SCN2A: variants seen among roughly 807,000 people sequenced by gnomAD.
The protein encoded by SCN2A is sodium voltage-gated channel alpha subunit 2, also known as sodium channel protein type 2 subunit alpha.
A neutral mutation model predicts 188.7 loss-of-function variants in SCN2A; 20 were observed. The observed-to-expected ratio is 0.11, with a 90% CI of 0.07 to 0.15. The LOEUF (loss-of-function observed/expected upper bound fraction) is 0.15. SCN2A is among the 10% of genes least tolerant of loss of function. SCN2A has a pLI of 1.00. For synonymous variants in SCN2A, 804 were observed against 833.1 expected (o/e 0.97, Z 0.60); for missense variants, 1,278 against 2,445.0 (o/e 0.52, Z 10.07).
In SCN2A at chr2:165,335,974, G is replaced by A. The variant is rs558556727; in HGVS notation, c.2388+4406G>A. 7.9e-5 allele frequency among the ~76,000 whole-genome samples: 12 copies of A among 151,842 alleles called. No individual in the cohort carries two copies. The South Asian group carries it at 2.3e-3, about 29-fold the overall frequency. ...TATTGAAAAAGGAGTTAGACAAAAG[G>A]CCAATAAGCACATAAAAGATGGTCA... On this transcript the variant is annotated intron_variant, in intron 14 of 26. Transcript: ENST00000375437.
chr2:165,380,843 A>G, intron 24 of SCN2A, 114 bp downstream of exon 24: 1 of 884,928 alleles, frequency 1.1e-6, no homozygotes, highest in Non-Finnish European at 1.7e-6. Context: ...TTCAGAAATT[A>G]TTTTGAGACA....
chr2:165,321,414 T>G (rs1698069560), intron 11 of SCN2A, among the ~76,000 whole-genome samples: 1 of 152,190 alleles, frequency 6.6e-6, no homozygotes, highest in Non-Finnish European at 1.5e-5. Context: ...TGCTTCCACA[T>G]TTTTGGGTAT....
rs1177450924 is a variant in SCN2A at position 165,291,426 on chromosome 2, G to T, written c.-51-4347G>T. On this transcript the variant is annotated intron_variant, in intron 1 of 26. Coordinates refer to ENST00000375437, the MANE Select transcript of SCN2A (RefSeq NM_001040142.2). ...TTCCTTCCTTCCTTCCTCCCTGTCT[G>T]TCTTTCTTTCTCTTTCTTTCTTTCT... Among the ~76,000 whole-genome samples, 230 of 86,906 alleles carry T rather than the reference G, an allele frequency of 2.6e-3. 1 individual carries two copies. The highest frequency in any genetic ancestry group is 7.9e-3 in the Middle Eastern group (1 of 126). 57.0% of individuals were successfully genotyped at this position (86,906 alleles called of 152,430 possible). A position where few individuals can be genotyped will look rare whatever the true frequency, so the allele number is the denominator to read the frequency against.
At position 165,307,814 on chromosome 2, in the gene SCN2A, C is replaced by T. The variant is rs536903726; in HGVS notation, c.387-34C>T. ...GGTAGTGCATAAAAGTAAGATTTTT[C>T]CATTGAACTTTGTCTTCCTTGACGA... On this transcript the variant is annotated intron_variant, in intron 3 of 26. Transcript: ENST00000375437. The T allele has an allele frequency of 2.9e-4, 414 of 1,444,238 alleles. 5 individuals carry two copies. The South Asian group carries it at 4.5e-3, about 16-fold the overall frequency. 89.5% of individuals were successfully genotyped at this position (1,444,238 alleles called of 1,614,324 possible).
chr2:165,299,899 A>G (rs1274700667), intron 3 of SCN2A, among the ~76,000 whole-genome samples: 2 of 152,244 alleles, frequency 1.3e-5, no homozygotes, highest in East Asian at 1.9e-4. Context: ...ACTTGGACTA[A>G]TACCTCTATT....
intron 14 of SCN2A, among the ~76,000 whole-genome samples, chr2:165,336,594 G>A (rs1445554818): frequency 1.3e-5 from 2 of 151,932 alleles, no homozygotes; most frequent in Non-Finnish European, 2.9e-5. Flanking sequence ...GTAAATGGGA[G>A]CAACAACTAA....
At chr2:165,341,564 T>G (rs112392343) in intron 14 of SCN2A, among the ~76,000 whole-genome samples, 3 of 152,294 alleles carry the variant, frequency 2.0e-5, no homozygotes, top group African/African-American at 7.2e-5. Context: ...CAGGGGCACT[T>G]CTTTCATTTT....
intron 1 of SCN2A, among the ~76,000 whole-genome samples, chr2:165,252,282 A>T (rs1438552369): frequency 6.6e-6 from 1 of 152,082 alleles, no homozygotes; most frequent in Non-Finnish European, 1.5e-5. Flanking sequence ...TGGAAAAAGT[A>T]TAGAGGGGAC....
intron 18 of SCN2A, 127 bp from the exon 19 acceptor site, chr2:165,367,090 C>A: frequency 1.2e-6 from 1 of 858,814 alleles, no homozygotes; most frequent in Non-Finnish European, 1.8e-6. Flanking sequence ...TAAGCGGAAG[C>A]TATCTTAAAA....
intron 14 of SCN2A, among the ~76,000 whole-genome samples, chr2:165,339,110 A>G (rs1699169671): frequency 6.6e-6 from 1 of 152,112 alleles, no homozygotes; most frequent in Non-Finnish European, 1.5e-5. Flanking sequence ...AATACCAGCT[A>G]ACAGGGAGGC....
At chr2:165,342,577 C>T in intron 15 of SCN2A, 108 bp downstream of exon 15, 3 of 1,227,380 alleles carry the variant, frequency 2.4e-6, no homozygotes, top group Non-Finnish European at 3.6e-6. Flanking sequence ...TATTTGAATA[C>T]ACTTCTAAAA....
At chr2:165,329,062 G>A (rs1016992326) in intron 13 of SCN2A, among the ~76,000 whole-genome samples, 2 of 145,246 alleles carry the variant, frequency 1.4e-5, no homozygotes, top group Admixed American at 1.4e-4. Flanking sequence ...TCTTTTCTTG[G>A]GGATCCTTTC....
At chr2:165,379,827 C>T (rs1194643355) in intron 23 of SCN2A, among the ~76,000 whole-genome samples, 1 of 151,644 alleles carries the variant, frequency 6.6e-6, no homozygotes, top group Non-Finnish European at 1.5e-5. Flanking sequence ...GATTGGTTAA[C>T]TGAGTTGGTT....
At chr2:165,291,490 C>CTTTCTTTCTTTCTCTCTTTCT (rs1265345470) in intron 1 of SCN2A, among the ~76,000 whole-genome samples, 1 of 22,536 alleles carries the variant, frequency 4.4e-5, no homozygotes, top group Non-Finnish European at 8.8e-5. Flanking sequence ...TTCTTTCTTT[C>CTTTCTTTCTTTCTCTCTTTCT]TTTTCTTTCT....
At chr2:165,309,214 T>C in intron 5 of SCN2A, 138 bp from the exon 6 acceptor site, 1 of 1,613,658 alleles carries the variant, frequency 6.2e-7, no homozygotes, top group Non-Finnish European at 8.5e-7. Flanking sequence ...TCTTCGAACT[T>C]TCAGAGTCTT....
At chr2:165,380,813 A>T in intron 24 of SCN2A, 84 bp downstream of exon 24, 2 of 1,101,412 alleles carry the variant, frequency 1.8e-6, no homozygotes, top group Non-Finnish European at 2.7e-6. Flanking sequence ...AAATGCAATC[A>T]CCAAAAAAAG....
intron 1 of SCN2A, among the ~76,000 whole-genome samples, chr2:165,262,818 C>G (rs1030925185): frequency 8.5e-5 from 13 of 152,234 alleles, no homozygotes; most frequent in African/African-American, 2.2e-4. Context: ...TTCTTAAGAA[C>G]TCTCCACATT....
At chr2:165,247,056 C>G (rs766886295) in intron 1 of SCN2A, among the ~76,000 whole-genome samples, 9 of 152,094 alleles carry the variant, frequency 5.9e-5, no homozygotes, top group Non-Finnish European at 1.2e-4. Context: ...ACCCACATAA[C>G]CTGACCTCCC....
intron 14 of SCN2A, among the ~76,000 whole-genome samples, chr2:165,337,072 A>T (rs1315019928): frequency 6.6e-6 from 1 of 152,092 alleles, no homozygotes. Flanking sequence ...TTTAAAGGAA[A>T]AAAAGGGGTC....
Sources: gnomAD v4.1 joint callset for allele counts (sites outside exome capture counted in the v4.1 genomes callset) on GRCh38, gnomAD v4.1.1 for gene constraint, MANE v1.5 for transcripts, NCBI Gene and HGNC (gene_info 2026-07-23, HGNC 2026-07-21) for gene names.